Variants in CIB4 observed in about 807,000 individuals in gnomAD.
CIB4 encodes calcium and integrin-binding family member 4.
CIB4 carries 25 observed loss-of-function variants against 25.8 expected under a neutral mutation model. The observed-to-expected ratio is 0.97, with a 90% CI of 0.71 to 1.35. The LOEUF (loss-of-function observed/expected upper bound fraction) is 1.35, where lower values mean the gene tolerates loss of function less well. Among genes scored for constraint, CIB4 ranks in the 40% most tolerant of loss-of-function variants. The probability of loss-of-function intolerance (pLI) is 0.00; values close to 1 mark genes in which losing one functional copy is unlikely to be tolerated. For missense variants in CIB4, 235 were observed against 228.2 expected, an observed-to-expected ratio of 1.03 and a Z score of -0.19; for synonymous variants, 75 against 81.4, an observed-to-expected ratio of 0.92 and a Z score of 0.42.
At chr2:26,626,534 T>C (rs1261534670) in intron 3 of CIB4, among the ~76,000 whole-genome samples, 7 of 146,398 alleles carry the variant, frequency 4.8e-5, no homozygotes, top group Admixed American at 4.7e-4. Context: ...CATTTTAATC[T>C]TTTTTTTGTT....
At chr2:26,595,797 C>T (rs1223076198) in intron 3 of CIB4, among the ~76,000 whole-genome samples, 2 of 152,222 alleles carry the variant, frequency 1.3e-5, no homozygotes, top group African/African-American at 4.8e-5. Flanking sequence ...CTTCTTTTCC[C>T]TGGGGACCTC....
At chr2:26,622,879 A>T (rs746087836) in intron 3 of CIB4, among the ~76,000 whole-genome samples, 2 of 152,170 alleles carry the variant, frequency 1.3e-5, no homozygotes, top group Non-Finnish European at 2.9e-5. Flanking sequence ...GCTACTCAGA[A>T]GGCTGGGGCA....
chr2:26,592,501 A>G (rs1478367992), intron 4 of CIB4, among the ~76,000 whole-genome samples: 3 of 152,128 alleles, frequency 2.0e-5, no homozygotes, highest in East Asian at 3.8e-4. Context: ...CTTACATCAA[A>G]TGTAGGACAT....
chr2:26,629,962 C>T (rs992774700), intron 2 of CIB4, among the ~76,000 whole-genome samples: 1 of 152,188 alleles, frequency 6.6e-6, no homozygotes, highest in Non-Finnish European at 1.5e-5. Flanking sequence ...AAAGAGGTCA[C>T]TTCGTGGGTC....
intron 3 of CIB4, among the ~76,000 whole-genome samples, chr2:26,607,011 G>C (rs1173584753): frequency 6.6e-6 from 1 of 152,176 alleles, no homozygotes; most frequent in Non-Finnish European, 1.5e-5. Context: ...CACCAAACCA[G>C]TCCTCCCCAG....
At chr2:26,608,706 C>G (rs1668941040) in intron 3 of CIB4, among the ~76,000 whole-genome samples, 1 of 152,102 alleles carries the variant, frequency 6.6e-6, no homozygotes, top group Non-Finnish European at 1.5e-5. Flanking sequence ...CAGACCACAC[C>G]CAGCCTCACT....
intron 3 of CIB4, among the ~76,000 whole-genome samples, chr2:26,599,444 G>T (rs1011786170): frequency 1.3e-4 from 20 of 152,072 alleles, no homozygotes; most frequent in African/African-American, 4.8e-4. Flanking sequence ...TTGATTTGAA[G>T]ATGAAAGTCA....
chr2:26,604,315 A>C (rs569758373), intron 3 of CIB4, among the ~76,000 whole-genome samples: 68 of 150,556 alleles, frequency 4.5e-4, no homozygotes, highest in African/African-American at 1.6e-3. Context: ...AGGAGAACGA[A>C]GCTGCAGTGA....
At position 26,589,048 on chromosome 2, in the gene CIB4, T is replaced by TTCC. The variant is rs1558554755; in HGVS notation, c.329-5151_329-5150insGGA. ...CTTCTTCTTCTTCTTCTTCTTCTTCTTCTTCTTCTTCCTCTTCCTCTTCCT... is the reference window on the plus strand; with the variant it reads ...CTTCTTCTTCTTCTTCTTCTTCTTCTTCCTCTTCTTCTTCCTCTTCCTCTTCCT... On this transcript the variant is annotated intron_variant, in intron 4 of 6. Transcript: ENST00000288861. Among the ~76,000 whole-genome samples the TTCC allele has an allele frequency of 4.9e-4, 24 of 48,990 alleles. 3 individuals carry two copies. The highest frequency in any genetic ancestry group is 5.4e-4 in the East Asian group (1 of 1,868). The allele number at this position is 48,990 out of a possible 152,430, so 32.1% of individuals were successfully genotyped here.
intron 3 of CIB4, among the ~76,000 whole-genome samples, chr2:26,603,009 C>A (rs554879468): frequency 6.9e-6 from 1 of 145,972 alleles, no homozygotes; most frequent in Non-Finnish European, 1.5e-5. Context: ...GATCTATGAT[C>A]GCTCCACTGT....
At chr2:26,587,492 T>A (rs948993301) in intron 4 of CIB4, among the ~76,000 whole-genome samples, 1 of 152,072 alleles carries the variant, frequency 6.6e-6, no homozygotes, top group Non-Finnish European at 1.5e-5. Context: ...CTCAGTTTCC[T>A]CATCTGTAAA....
intron 2 of CIB4, among the ~76,000 whole-genome samples, chr2:26,640,153 T>C (rs1669608840): frequency 6.6e-6 from 1 of 151,960 alleles, no homozygotes; most frequent in Non-Finnish European, 1.5e-5. Flanking sequence ...TGGGCTTCAG[T>C]CATGCATCCA....
chr2:26,621,225 A>G (rs948077186), intron 3 of CIB4, among the ~76,000 whole-genome samples: 2 of 150,730 alleles, frequency 1.3e-5, no homozygotes, highest in Non-Finnish European at 2.9e-5. Flanking sequence ...GTAGTAAAAT[A>G]AAAGAGAAGA....
chr2:26,635,447 A>G (rs1286054545), intron 2 of CIB4, among the ~76,000 whole-genome samples: 1 of 152,194 alleles, frequency 6.6e-6, no homozygotes, highest in African/African-American at 2.4e-5. Flanking sequence ...CGGTCTCTTG[A>G]ATACTTTTTT....
intron 2 of CIB4, among the ~76,000 whole-genome samples, chr2:26,630,368 G>T (rs771317102): frequency 6.6e-6 from 1 of 152,206 alleles, no homozygotes; most frequent in Non-Finnish European, 1.5e-5. Flanking sequence ...GGGCCCAGGA[G>T]GCCTGGATCC....
intron 3 of CIB4, among the ~76,000 whole-genome samples, chr2:26,622,878 A>G (rs1008689403): frequency 1.3e-5 from 2 of 151,930 alleles, no homozygotes; most frequent in African/African-American, 4.8e-5. Flanking sequence ...AGCTACTCAG[A>G]AGGCTGGGGC....
intron 3 of CIB4, among the ~76,000 whole-genome samples, chr2:26,598,479 G>A (rs886838757): frequency 2.0e-5 from 3 of 152,146 alleles, no homozygotes; most frequent in Non-Finnish European, 4.4e-5. Flanking sequence ...AAAGAAGATG[G>A]AGCTGACACG....
At chr2:26,605,604 T>A in intron 3 of CIB4, 1 of 469,844 alleles carries the variant, frequency 2.1e-6, no homozygotes, top group South Asian at 1.6e-5. Context: ...GGATTCACCC[T>A]TCAGCACTAG....
At chr2:26,603,134 G>C (rs1668824541) in intron 3 of CIB4, among the ~76,000 whole-genome samples, 2 of 152,050 alleles carry the variant, frequency 1.3e-5, no homozygotes, top group South Asian at 4.1e-4. Context: ...GAAAACATCT[G>C]ACAGACCCAA....
Sources: gnomAD v4.1 joint callset for allele counts (sites outside exome capture counted in the v4.1 genomes callset) on GRCh38, gnomAD v4.1.1 for gene constraint, MANE v1.5 for transcripts, NCBI Gene and HGNC (gene_info 2026-07-23, HGNC 2026-07-21) for gene names.